The following LRP1B variants were observed in gnomAD, a reference collection of about 807,000 sequenced individuals.
LRP1B encodes the protein low-density lipoprotein receptor-related protein 1B.
In LRP1B, 217 loss-of-function variants were observed where a neutral mutation model predicts 556.6. The observed-to-expected ratio is 0.39, with a 90% CI of 0.35 to 0.44. The LOEUF (loss-of-function observed/expected upper bound fraction) is 0.44, where lower values mean the gene tolerates loss of function less well. LRP1B is among the 20% of genes least tolerant of loss of function. The pLI, the probability that LRP1B is intolerant of heterozygous loss-of-function variation, is 1.00. For synonymous variants in LRP1B, 2,047 were observed against 1,865.8 expected (o/e 1.10, Z -2.50); for missense variants, 5,053 against 5,620.8 (o/e 0.90, Z 3.23).
intron 3 of LRP1B, among the ~76,000 whole-genome samples, chr2:141,401,471 C>T (rs1690450680): frequency 6.6e-6 from 1 of 152,122 alleles, no homozygotes; most frequent in South Asian, 2.1e-4. Context: ...TATCTATCAC[C>T]AGACCTGATC....
chr2:141,039,115 A>G (rs943228905), intron 11 of LRP1B, among the ~76,000 whole-genome samples: 1 of 152,010 alleles, frequency 6.6e-6, no homozygotes, highest in Non-Finnish European at 1.5e-5. Flanking sequence ...TTGCACTGTC[A>G]TTTCACTCAG....
intron 3 of LRP1B, among the ~76,000 whole-genome samples, chr2:141,432,932 C>T (rs900418141): frequency 6.6e-6 from 1 of 151,876 alleles, no homozygotes. Flanking sequence ...CTACTGCTAA[C>T]TTTAAGTTTA....
chr2:140,553,740 A>T (rs1464494904), intron 43 of LRP1B, among the ~76,000 whole-genome samples: 1 of 152,028 alleles, frequency 6.6e-6, no homozygotes, highest in Non-Finnish European at 1.5e-5. Context: ...GCCATAAGTG[A>T]TGGTAGAGGA....
At chr2:141,031,389 T>C (rs1425642959) in intron 11 of LRP1B, among the ~76,000 whole-genome samples, 1 of 151,876 alleles carries the variant, frequency 6.6e-6, no homozygotes, top group East Asian at 1.9e-4. Flanking sequence ...TATTCTATTA[T>C]ATTAATGATC....
chr2:141,438,717 T>G (rs1680855716), intron 3 of LRP1B, among the ~76,000 whole-genome samples: 3 of 152,134 alleles, frequency 2.0e-5, no homozygotes, highest in Admixed American at 2.0e-4. Context: ...CAGATCACCA[T>G]GATGAATCAG....
rs117865086 is a variant in LRP1B at position 142,001,289 on chromosome 2, T to C, written c.82+129359A>G. ...TACTGTCTCTGGTAGATACATCTGCTTAAACACAGCTCCATATCTTCATTG... is the reference window on the plus strand; with the variant it reads ...TACTGTCTCTGGTAGATACATCTGCCTAAACACAGCTCCATATCTTCATTG... On this transcript the variant is annotated intron_variant, in intron 1 of 90. Transcript: ENST00000389484. Among the ~76,000 whole-genome samples the C allele has an allele frequency of 1.4e-4, 21 of 152,342 alleles. 1 individual carries two copies. The East Asian group carries it at 3.9e-3, about 28-fold the overall frequency.
intron 2 of LRP1B, among the ~76,000 whole-genome samples, chr2:141,662,695 C>A (rs535885637): frequency 6.6e-6 from 1 of 151,984 alleles, no homozygotes; most frequent in African/African-American, 2.4e-5. Context: ...TCTTAGAGAC[C>A]TATAAAGAGA....
At chr2:142,014,182 T>G (rs114981421) in intron 1 of LRP1B, among the ~76,000 whole-genome samples, 2,039 of 152,022 alleles carry the variant, frequency 0.013, 79 homozygotes, top group African/African-American at 0.046. Flanking sequence ...TTCGCTTTCT[T>G]AATAAACTTG....
chr2:141,122,615 G>A (rs187309502), intron 7 of LRP1B, among the ~76,000 whole-genome samples: 3,120 of 152,218 alleles, frequency 0.02, 48 homozygotes, highest in Middle Eastern at 0.054. Flanking sequence ...TGCTGGGGAG[G>A]ATGTGGAGAA....
At chr2:141,425,489 C>T (rs952892102) in intron 3 of LRP1B, among the ~76,000 whole-genome samples, 14 of 151,188 alleles carry the variant, frequency 9.3e-5, no homozygotes, top group African/African-American at 3.2e-4. Context: ...ACTGAGGAAT[C>T]GCCACACTGA....
intron 1 of LRP1B, among the ~76,000 whole-genome samples, chr2:141,855,930 CAT>C (rs1698034565): frequency 6.6e-6 from 1 of 152,088 alleles, no homozygotes; most frequent in African/African-American, 2.4e-5. Context: ...TAATGGTAAT[CAT>C]ATTTTAATGT....
Position 140,701,799 on chromosome 2 carries a change from T to C in LRP1B, c.6349A>G (p.Thr2117Ala). 4 of 1,613,250 alleles carry C rather than the reference T, an allele frequency of 2.5e-6. No homozygotes were observed. Among genetic ancestry groups the C allele is most frequent in the Non-Finnish European group, 3.4e-6 (4 of 1,179,424 alleles). Reference protein sequence around the residue: ...SVRRGHKNDATETITMRTGLG... With the variant: ...SVRRGHKNDAAETITMRTGLG... ...CCGGTTCTCATGGTTATCGTTTCTG[T>C]GGCATCATTCTTGTGGCCCCTTCTG... Residue 2117 changes from threonine (T) to alanine (A), a missense_variant, in exon 40 of 91, where the codon ACA becomes GCA. By Grantham distance (58) the Thr-to-Ala change is moderately conservative. Transcript: ENST00000389484.
intron 1 of LRP1B, among the ~76,000 whole-genome samples, chr2:141,888,832 G>A (rs1194053895): frequency 6.6e-6 from 1 of 152,160 alleles, no homozygotes; most frequent in African/African-American, 2.4e-5. Flanking sequence ...GTAATGTGTT[G>A]AAGGATGACT....
rs1249927081 is a variant in LRP1B, at chr2:140,232,462, G to A, written c.*724C>T. The A allele has an allele frequency of 6.6e-6, 1 of 151,596 alleles. No homozygotes were observed. Among genetic ancestry groups the A allele is most frequent in the Non-Finnish European group, 1.5e-5 (1 of 67,538 alleles). The allele number at this position is 151,596 out of a possible 1,614,324, so 9.4% of individuals were successfully genotyped here. A position where few individuals can be genotyped will look rare whatever the true frequency, so the allele number is the denominator to read the frequency against. On this transcript the variant is annotated 3_prime_UTR_variant, in exon 91 of 91. Coordinates refer to ENST00000389484, the MANE Select transcript of LRP1B (RefSeq NM_018557.3). The stretch of plus-strand genomic sequence containing the variant: ...AGCAAGTGCAGTCGGCCAACTTTCG[G>A]TTATATTTTTGCTATGTTCTACCAC...
chr2:141,141,027 T>G (rs1701639387), intron 7 of LRP1B, among the ~76,000 whole-genome samples: 1 of 152,104 alleles, frequency 6.6e-6, no homozygotes, highest in African/African-American at 2.4e-5. Context: ...CCAATTTAGC[T>G]GTGTGGGCAA....
chr2:140,334,089 A>G (rs536690821), intron 79 of LRP1B, among the ~76,000 whole-genome samples: 1 of 152,084 alleles, frequency 6.6e-6, no homozygotes, highest in Non-Finnish European at 1.5e-5. Flanking sequence ...TGTTCATTTC[A>G]TCTCTCATTC....
At chr2:141,127,552 T>C (rs548508229) in intron 7 of LRP1B, among the ~76,000 whole-genome samples, 3 of 152,310 alleles carry the variant, frequency 2.0e-5, no homozygotes, top group African/African-American at 7.2e-5. Context: ...TGGAATACTA[T>C]GCAGCCATAA....
intron 3 of LRP1B, among the ~76,000 whole-genome samples, chr2:141,273,868 T>A (rs1685183038): frequency 6.6e-6 from 1 of 152,162 alleles, no homozygotes; most frequent in Non-Finnish European, 1.5e-5. Context: ...CTCTTATAAT[T>A]CAGTAATAAA....
intron 79 of LRP1B, among the ~76,000 whole-genome samples, chr2:140,329,300 G>A (rs1414727837): frequency 6.6e-6 from 1 of 151,876 alleles, no homozygotes; most frequent in Non-Finnish European, 1.5e-5. Flanking sequence ...CACTGAATAG[G>A]CAAATGCTGG....
Sources: allele counts gnomAD v4.1 joint callset (sites outside exome capture counted in the v4.1 genomes callset), GRCh38; gene constraint gnomAD v4.1.1; transcripts MANE v1.5; gene names NCBI Gene and HGNC (gene_info 2026-07-23, HGNC 2026-07-21).